The following TARS1 variants were observed in gnomAD, a reference collection of about 807,000 sequenced individuals.
TARS1 encodes threonyl-tRNA synthetase 1.
A neutral mutation model predicts 97.7 loss-of-function variants in TARS1; 57 were observed. That is an observed-to-expected ratio of 0.58 (90% CI 0.47 to 0.73). The LOEUF (loss-of-function observed/expected upper bound fraction) is 0.73, where lower values mean the gene tolerates loss of function less well. TARS1 is among the 30% of genes least tolerant of loss of function. The probability of loss-of-function intolerance (pLI) is 0.00; values close to 1 mark genes in which losing one functional copy is unlikely to be tolerated. For synonymous variants in TARS1, 312 were observed against 293.7 expected (o/e 1.06, Z -0.64); for missense variants, 806 against 888.3 (o/e 0.91, Z 1.18).
rs1464370209 is a variant in TARS1 at position 33,467,737 on chromosome 5, G to A, written c.*29G>A. On this transcript the variant is annotated 3_prime_UTR_variant, in exon 19 of 19. Coordinates refer to ENST00000265112, the MANE Select transcript of TARS1 (RefSeq NM_152295.5). ...AAAAATTACCCAGATTGGCTCCATG[G>A]AAAAGGAGGAACAGCGTTTCCGTAA... The A allele has an allele frequency of 1.9e-6, 3 of 1,595,804 alleles. No homozygotes were observed. The Admixed American group carries it at 5.4e-5, about 29-fold the overall frequency.
chr5:33,446,977 G>T (rs1278486244), intron 2 of TARS1, among the ~76,000 whole-genome samples: 1 of 152,138 alleles, frequency 6.6e-6, no homozygotes, highest in African/African-American at 2.4e-5. Context: ...GGACTGCTGT[G>T]GGTGGGAATT....
intron 17 of TARS1, 160 bp from the exon 18 acceptor site, chr5:33,466,711 A>G (rs960473097): frequency 4.6e-6 from 2 of 434,162 alleles, no homozygotes; most frequent in East Asian, 3.6e-5. Flanking sequence ...TGAGGGGGGA[A>G]TAATGGCAGT....
At chr5:33,463,372 T>C (rs1245896441) in intron 16 of TARS1, among the ~76,000 whole-genome samples, 1 of 152,216 alleles carries the variant, frequency 6.6e-6, no homozygotes, top group Non-Finnish European at 1.5e-5. Flanking sequence ...CCGTGAAGAA[T>C]AAGTAATAAA....
At chr5:33,447,020 AACCAATCACTTGAG>A (rs959521302) in intron 2 of TARS1, among the ~76,000 whole-genome samples, 7 of 152,144 alleles carry the variant, frequency 4.6e-5, no homozygotes, top group East Asian at 1.9e-4. Context: ...CGGTGGTAGG[AACCAATCACTTGAG>A]ACTGAGTGGG....
At chr5:33,458,368 C>T (rs1159602503) in intron 9 of TARS1, among the ~76,000 whole-genome samples, 198 bp from the exon 10 acceptor site, 1 of 152,174 alleles carries the variant, frequency 6.6e-6, no homozygotes, top group East Asian at 1.9e-4. Flanking sequence ...ATGTGTTACA[C>T]GTCTGCCAAA....
chr5:33,456,397 C>T (rs567731715), intron 8 of TARS1, among the ~76,000 whole-genome samples, 170 bp downstream of exon 8: 1 of 152,258 alleles, frequency 6.6e-6, no homozygotes, highest in South Asian at 2.1e-4. Context: ...TAATTGAAAT[C>T]CCTCAAGGGG....
At chr5:33,454,480 GGTT>G (rs1207980492) in intron 4 of TARS1, among the ~76,000 whole-genome samples, 1 of 152,132 alleles carries the variant, frequency 6.6e-6, no homozygotes, top group East Asian at 1.9e-4. Flanking sequence ...TGTGGGGTCG[GGTT>G]GTACCACCTT....
intron 16 of TARS1, 97 bp from the exon 17 acceptor site, chr5:33,463,656 C>T (rs937332805): frequency 1.9e-6 from 2 of 1,067,370 alleles, no homozygotes; most frequent in Non-Finnish European, 2.7e-6. Context: ...GTTACATGTT[C>T]CAGGAAAAGA....
intron 1 of TARS1, among the ~76,000 whole-genome samples, chr5:33,443,316 TCTCC>T (rs1272338409): frequency 0.015 from 1,812 of 120,466 alleles, 74 homozygotes; most frequent in South Asian, 0.043. Context: ...CCTCTCTCTC[TCTCC>T]CTCTCTCTCT....
chr5:33,467,815 G>T lies in TARS1; in HGVS notation c.*107G>T. 7.6e-6 allele frequency: 10 copies of T among 1,308,938 alleles called. No homozygotes were observed. Among genetic ancestry groups the T allele is most frequent in the African/African-American group, 7.5e-5 (5 of 66,856 alleles). The allele number at this position is 1,308,938 out of a possible 1,614,324, so 81.1% of individuals were successfully genotyped here. ...ATTTATATTGAACTTGGAGGAGTTTGGCAAAGTCTGAATAGGTCAACCTGC... is the reference window on the plus strand; with the variant it reads ...ATTTATATTGAACTTGGAGGAGTTTTGCAAAGTCTGAATAGGTCAACCTGC... On this transcript the variant is annotated 3_prime_UTR_variant, in exon 19 of 19. Coordinates refer to ENST00000265112, the MANE Select transcript of TARS1 (RefSeq NM_152295.5).
intron 8 of TARS1, 119 bp downstream of exon 8, chr5:33,456,346 T>C: frequency 2.5e-6 from 2 of 809,722 alleles, no homozygotes; most frequent in South Asian, 3.5e-5. Flanking sequence ...TATTTTCTCA[T>C]GCTCTCTATT....
intron 1 of TARS1, among the ~76,000 whole-genome samples, chr5:33,445,000 G>A (rs569906620): frequency 6.6e-6 from 1 of 151,452 alleles, no homozygotes; most frequent in South Asian, 2.1e-4. Flanking sequence ...AATCAACTGC[G>A]TGCTTCCTTG....
At chr5:33,446,027 TTTTTACTGCTGTGAACTGTGCTTCAC>T (rs1741397424) in intron 2 of TARS1, 1 of 153,464 alleles carries the variant, frequency 6.5e-6, no homozygotes, top group Non-Finnish European at 1.5e-5. Context: ...TTCTACTTTA[TTTTTACTGCTGTGAACTGTGCTTCAC>T]TTTTTGCTTT....
chr5:33,441,316 C>A (rs911277518), intron 1 of TARS1, 173 bp downstream of exon 1: 1 of 679,064 alleles, frequency 1.5e-6, no homozygotes, highest in Non-Finnish European at 2.5e-6. Context: ...GGGAACCATC[C>A]ATTCATAAAT....
Position 33,453,170 on chromosome 5 carries a change from A to G in TARS1, c.330-119A>G, listed in dbSNP as rs570788981. On this transcript the variant is annotated intron_variant, in intron 3 of 18. Coordinates refer to ENST00000265112, the MANE Select transcript of TARS1 (RefSeq NM_152295.5). ...TTATCATTATATTTCAGAAAAATAG[A>G]GATACATCAATATAAAAAAACAATA... is the stretch of plus-strand genomic sequence containing the variant. 4.7e-5 allele frequency: 56 copies of G among 1,194,238 alleles called. No individual in the cohort carries two copies. In the East Asian group the frequency reaches 1.4e-3, roughly 29 times the overall value. The allele number at this position is 1,194,238 out of a possible 1,614,324, so 74.0% of individuals were successfully genotyped here.
chr5:33,460,823 A>G (rs935370086), intron 11 of TARS1, 79 bp from the exon 12 acceptor site: 6 of 1,535,014 alleles, frequency 3.9e-6, no homozygotes, highest in East Asian at 4.6e-5. Flanking sequence ...CTTTTTGACA[A>G]CCTTTCGTGT....
At chr5:33,450,809 A>G (rs963419921) in intron 3 of TARS1, among the ~76,000 whole-genome samples, 3 of 152,224 alleles carry the variant, frequency 2.0e-5, no homozygotes, top group South Asian at 2.1e-4. Context: ...TTCAAGAACT[A>G]TAAAATTCTA....
At chr5:33,455,283 T>A (rs1270902312) in intron 5 of TARS1, among the ~76,000 whole-genome samples, 1 of 152,130 alleles carries the variant, frequency 6.6e-6, no homozygotes, top group African/African-American at 2.4e-5. Flanking sequence ...TCCTAAGGTA[T>A]TTTGGGAAAT....
chr5:33,442,543 T>G (rs115716728), intron 1 of TARS1, among the ~76,000 whole-genome samples: 1,913 of 152,330 alleles, frequency 0.013, 46 homozygotes, highest in African/African-American at 0.044. Flanking sequence ...TCATTCAGTC[T>G]TCTTTTTTTT....
Sources: gnomAD v4.1 joint callset for allele counts (sites outside exome capture counted in the v4.1 genomes callset) on GRCh38, gnomAD v4.1.1 for gene constraint, MANE v1.5 for transcripts, NCBI Gene and HGNC (gene_info 2026-07-23, HGNC 2026-07-21) for gene names.